RAI14: variants seen among roughly 807,000 people sequenced by gnomAD.
RAI14 encodes retinoic acid induced 14.
Under a neutral mutation model 115.4 loss-of-function variants are expected in RAI14, and 45 were observed. The observed-to-expected ratio is 0.39, with a 90% CI of 0.31 to 0.50. The LOEUF is 0.50. Ranked by LOEUF, RAI14 falls within the 20% of genes least tolerant of loss-of-function variation. The pLI is 0.85. For missense variants in RAI14, 939 were observed against 1,131.2 expected, an observed-to-expected ratio of 0.83 and a Z score of 2.44; for synonymous variants, 371 against 415.4, an observed-to-expected ratio of 0.89 and a Z score of 1.30.
At chr5:34,826,295 T>C (rs1266842756) in intron 15 of RAI14, 35 bp from the exon 16 acceptor site, 1 of 1,591,310 alleles carries the variant, frequency 6.3e-7, no homozygotes, top group Non-Finnish European at 8.6e-7. Flanking sequence ...GTAGACATGT[T>C]ACTGTCTGCT....
intron 11 of RAI14, 108 bp downstream of exon 11, chr5:34,813,768 C>A: frequency 2.9e-6 from 2 of 700,826 alleles, no homozygotes; most frequent in Non-Finnish European, 4.3e-6. Context: ...CCTTTAAGTG[C>A]ATATTTAAAA....
intron 3 of RAI14, among the ~76,000 whole-genome samples, chr5:34,760,992 G>A (rs1340102892): frequency 6.6e-6 from 1 of 152,116 alleles, no homozygotes; most frequent in Non-Finnish European, 1.5e-5. Context: ...CATATAATAT[G>A]TGGCCTCTTG....
intron 4 of RAI14, among the ~76,000 whole-genome samples, chr5:34,801,855 G>C (rs1754312255): frequency 6.6e-6 from 1 of 152,136 alleles, no homozygotes; most frequent in Admixed American, 6.5e-5. Flanking sequence ...AGGATTGCTT[G>C]AGGACAGGAG....
rs73078677 is a variant in RAI14, at chr5:34,817,836, A to G, written c.940-961A>G. Among the ~76,000 whole-genome samples the G allele has an allele frequency of 5.3e-3, 811 of 152,322 alleles. 6 individuals are homozygous for G. Among genetic ancestry groups the G allele is most frequent in the African/African-American group, 0.019 (791 of 41,576 alleles). ...AATGATGCGGGCAAGGACTGGTTGT[A>G]ATGAAGCATGAAGAAGCTTTTAGGC... On this transcript the variant is annotated intron_variant, in intron 12 of 17. Coordinates refer to ENST00000265109, the MANE Select transcript of RAI14 (RefSeq NM_015577.3).
At chr5:34,817,693 G>A (rs556437066) in intron 12 of RAI14, among the ~76,000 whole-genome samples, 28 of 152,260 alleles carry the variant, frequency 1.8e-4, no homozygotes, top group African/African-American at 5.8e-4. Flanking sequence ...TAACAACATA[G>A]TTGAATCTGA....
At chr5:34,690,450 G>A (rs890424108) in intron 2 of RAI14, among the ~76,000 whole-genome samples, 2 of 152,208 alleles carry the variant, frequency 1.3e-5, no homozygotes, top group Non-Finnish European at 2.9e-5. Flanking sequence ...GAGGTCTGTG[G>A]CCAAATTGGT....
intron 1 of RAI14, among the ~76,000 whole-genome samples, chr5:34,676,798 A>T (rs186825884): frequency 6.6e-6 from 1 of 152,326 alleles, no homozygotes; most frequent in East Asian, 1.9e-4. Context: ...TTACTACGTG[A>T]TCATTATGAT....
chr5:34,814,378 C>T lies in RAI14; in HGVS notation c.853-205C>T, dbSNP rs189558316. ...TAAAAAAGTGATTCTAATATAGGAG[C>T]ACAGTTATATTCTGTAAACTTTCAG... On this transcript the variant is annotated intron_variant, in intron 11 of 17. Coordinates refer to ENST00000265109, the MANE Select transcript of RAI14 (RefSeq NM_015577.3). 1.1e-4 allele frequency among the ~76,000 whole-genome samples: 17 copies of T among 152,254 alleles called. No homozygotes were observed. In the East Asian group the frequency reaches 3.3e-3, roughly 29 times the overall value.
intron 5 of RAI14, among the ~76,000 whole-genome samples, chr5:34,805,139 T>C (rs1204157763): frequency 2.0e-5 from 3 of 152,206 alleles, no homozygotes; most frequent in Non-Finnish European, 1.5e-5. Flanking sequence ...TAACTTAATC[T>C]CCATTCTTCT....
At chr5:34,715,363 C>G (rs1331640470) in intron 2 of RAI14, among the ~76,000 whole-genome samples, 1 of 152,192 alleles carries the variant, frequency 6.6e-6, no homozygotes, top group South Asian at 2.1e-4. Context: ...GATCCAGCAT[C>G]ATTTTGGGTC....
At chr5:34,775,121 A>T (rs958217241) in intron 3 of RAI14, among the ~76,000 whole-genome samples, 1 of 152,202 alleles carries the variant, frequency 6.6e-6, no homozygotes, top group Non-Finnish European at 1.5e-5. Flanking sequence ...ACCAAAATGG[A>T]TTAAAGATTT....
chr5:34,807,955 G>C (rs1223516772), intron 6 of RAI14, 98 bp downstream of exon 6: 1 of 926,900 alleles, frequency 1.1e-6, no homozygotes, highest in Non-Finnish European at 1.8e-6. Flanking sequence ...TATTCCTGGT[G>C]CTCTTTTCTG....
At chr5:34,828,625 C>T (rs1032877296) in intron 16 of RAI14, among the ~76,000 whole-genome samples, 12 of 152,126 alleles carry the variant, frequency 7.9e-5, no homozygotes, top group African/African-American at 2.7e-4. Context: ...GACTTTTGTA[C>T]ATTTTTGAAG....
At chr5:34,742,753 G>C (rs1432294250) in intron 2 of RAI14, among the ~76,000 whole-genome samples, 1 of 151,864 alleles carries the variant, frequency 6.6e-6, no homozygotes, top group South Asian at 2.1e-4. Context: ...AACCTCTGCC[G>C]TCCCAGTTCA....
At chr5:34,772,136 C>T (rs1414306271) in intron 3 of RAI14, among the ~76,000 whole-genome samples, 1 of 152,186 alleles carries the variant, frequency 6.6e-6, no homozygotes, top group African/African-American at 2.4e-5. Flanking sequence ...TTGTCTTGAA[C>T]TCCTGAGCTC....
At chr5:34,681,709 G>T (rs1744393345) in intron 1 of RAI14, among the ~76,000 whole-genome samples, 1 of 151,888 alleles carries the variant, frequency 6.6e-6, no homozygotes, top group South Asian at 2.1e-4. Flanking sequence ...CTGGTGCCCA[G>T]GCTGGTCTTG....
At chr5:34,714,383 T>C (rs878907937) in intron 2 of RAI14, among the ~76,000 whole-genome samples, 1 of 152,074 alleles carries the variant, frequency 6.6e-6, no homozygotes, top group Admixed American at 6.5e-5. Flanking sequence ...AAAGGTGGCG[T>C]TGGGTTATCT....
In RAI14 at chr5:34,832,365, T is replaced by C. The variant is rs981999343; in HGVS notation, c.*1600T>C. ...TCCAAAGAAATGTGAAAGGACCTTT[T>C]GTCACAGCACTTCAGAAAATACACA... On this transcript the variant is annotated 3_prime_UTR_variant, in exon 18 of 18. Transcript: ENST00000265109. 2.0e-5 allele frequency: 3 copies of C among 152,690 alleles called. No individual in the cohort carries two copies. Among genetic ancestry groups the C allele is most frequent in the Admixed American group, 6.5e-5 (1 of 15,286 alleles). The allele number at this position is 152,690 out of a possible 1,614,324, so 9.5% of individuals were successfully genotyped here.
chr5:34,776,149 T>C (rs1249647015), intron 3 of RAI14, among the ~76,000 whole-genome samples: 1 of 152,202 alleles, frequency 6.6e-6, no homozygotes, highest in Admixed American at 6.5e-5. Context: ...GGTCATTATG[T>C]TAACTGAACT....
Sources: allele counts gnomAD v4.1 joint callset (sites outside exome capture counted in the v4.1 genomes callset), GRCh38; gene constraint gnomAD v4.1.1; transcripts MANE v1.5; gene names NCBI Gene and HGNC (gene_info 2026-07-23, HGNC 2026-07-21).